LARS2: variants seen among roughly 807,000 people sequenced by gnomAD.
The protein encoded by LARS2 is leucine--tRNA ligase, mitochondrial.
Under a neutral mutation model 116.6 loss-of-function variants are expected in LARS2, and 81 were observed. That is an observed-to-expected ratio of 0.69 (90% CI 0.58 to 0.84). The LOEUF is 0.84. LARS2 is among the 40% of genes least tolerant of loss of function. The pLI is 0.00. For synonymous variants in LARS2, 396 were observed against 407.2 expected (o/e 0.97, Z 0.33); for missense variants, 968 against 1,114.5 (o/e 0.87, Z 1.87).
chr3:45,419,829 G>A, intron 6 of LARS2, 100 bp downstream of exon 6: 1 of 940,320 alleles, frequency 1.1e-6, no homozygotes, highest in Non-Finnish European at 1.8e-6. Flanking sequence ...GGCAAGGGTG[G>A]GAGGCAGGAA....
intron 12 of LARS2, among the ~76,000 whole-genome samples, 200 bp from the exon 13 acceptor site, chr3:45,491,317 A>G (rs1699910662): frequency 6.6e-6 from 1 of 152,256 alleles, no homozygotes. Context: ...GTTGTAAAAT[A>G]TAATTTTTAA....
At chr3:45,427,538 T>C (rs1005855126) in intron 6 of LARS2, among the ~76,000 whole-genome samples, 1 of 152,200 alleles carries the variant, frequency 6.6e-6, no homozygotes, top group Non-Finnish European at 1.5e-5. Flanking sequence ...AAAAACAACT[T>C]TTGGAAAAAC....
At chr3:45,435,250 A>G (rs1239058064) in intron 6 of LARS2, among the ~76,000 whole-genome samples, 1 of 152,118 alleles carries the variant, frequency 6.6e-6, no homozygotes, top group African/African-American at 2.4e-5. Context: ...AGTTGGGGGT[A>G]GGAGTCCAGA....
At chr3:45,419,590 C>G (rs1698483117) in intron 5 of LARS2, 79 bp from the exon 6 acceptor site, 4 of 1,025,468 alleles carry the variant, frequency 3.9e-6, no homozygotes, top group Non-Finnish European at 4.5e-6. Flanking sequence ...TTCAGTTTCC[C>G]TTTACATTCT....
intron 8 of LARS2, among the ~76,000 whole-genome samples, chr3:45,462,022 T>C (rs1015655442): frequency 1.1e-4 from 17 of 152,186 alleles, no homozygotes; most frequent in African/African-American, 4.1e-4. Flanking sequence ...ATAAAAATCG[T>C]CTTGAGTTAG....
chr3:45,422,004 C>T (rs937569996), intron 6 of LARS2: 6 of 152,180 alleles, frequency 3.9e-5, no homozygotes, highest in Non-Finnish European at 8.8e-5. Context: ...CATTGTACCA[C>T]TGTAAAGTCG....
chr3:45,427,769 T>C (rs1404308497), intron 6 of LARS2, among the ~76,000 whole-genome samples: 1 of 152,040 alleles, frequency 6.6e-6, no homozygotes, highest in African/African-American at 2.4e-5. Flanking sequence ...CTCCTCTCTA[T>C]AGGTAACCAC....
Position 45,518,004 on chromosome 3 carries a change from C to A in LARS2, c.2146C>A (p.Leu716Met). Reference sequence around the variant, plus strand: ...TTCTGGGAAGTCTCCCCAGCCTCAGCTGCTGAGTAACAAGGAGAAAGCTGA... The same window carrying A: ...TTCTGGGAAGTCTCCCCAGCCTCAGATGCTGAGTAACAAGGAGAAAGCTGA... ...RASGKSPQPQ[L>M]LSNKEKAEAR... Residue 716 changes from leucine (L) to methionine (M), a missense_variant, in exon 18 of 22, where the codon CTG (leucine) becomes ATG (methionine). By Grantham distance (15) the Leu-to-Met change is conservative (BLOSUM62 2). Coordinates refer to ENST00000645846, the MANE Select transcript of LARS2 (RefSeq NM_015340.4). The A allele has an allele frequency of 6.2e-7, 1 of 1,613,686 alleles. No individual in the cohort carries two copies. Among genetic ancestry groups the A allele is most frequent in the South Asian group, 1.1e-5 (1 of 91,074 alleles).
At chr3:45,488,673 T>C (rs780754719) in intron 11 of LARS2, 24 bp from the exon 12 acceptor site, 7 of 1,447,532 alleles carry the variant, frequency 4.8e-6, no homozygotes, top group Admixed American at 1.7e-5. Context: ...AAGGAAATGT[T>C]TTCTTTTCTT....
rs543069371 is a variant in LARS2 at position 45,401,612 on chromosome 3, C to T, written c.363+1239C>T. On this transcript the variant is annotated intron_variant, in intron 4 of 21. Coordinates refer to ENST00000645846, the MANE Select transcript of LARS2 (RefSeq NM_015340.4). ...ATGTGGGCCATTCCTCTTTACCCCC[C>T]GCCTGCTTTTTAAAAAAATTTTTTT... 2.6e-5 allele frequency among the ~76,000 whole-genome samples: 4 copies of T among 152,194 alleles called. 1 individual carries two copies. The highest frequency in any genetic ancestry group is 4.1e-4 in the South Asian group (2 of 4,820).
Position 45,457,314 on chromosome 3 carries a change from T to C in LARS2, c.607-1429T>C, listed in dbSNP as rs374172961. The stretch of plus-strand genomic sequence containing the variant: ...AGAGGTCAACTTCTTGGGCCACAGA[T>C]CAGGGCAGGAAGAGGGTCTGGAGGG... On this transcript the variant is annotated intron_variant, in intron 7 of 21. Transcript: ENST00000645846. Among the ~76,000 whole-genome samples the C allele has an allele frequency of 9.9e-5, 15 of 152,250 alleles. No individual in the cohort carries two copies. The East Asian group carries it at 2.1e-3, about 22-fold the overall frequency.
intron 20 of LARS2, among the ~76,000 whole-genome samples, chr3:45,525,309 G>A (rs1463185554): frequency 6.6e-6 from 1 of 152,114 alleles, no homozygotes; most frequent in African/African-American, 2.4e-5. Flanking sequence ...TATCCTTTTT[G>A]ATATCTAAAG....
intron 16 of LARS2, 44 bp downstream of exon 16, chr3:45,513,279 C>A: frequency 2.3e-6 from 3 of 1,305,912 alleles, no homozygotes; most frequent in Non-Finnish European, 2.2e-6. Flanking sequence ...TCCCAGAGAG[C>A]CAAGGCCAGG....
At chr3:45,462,631 G>C (rs576367874) in intron 8 of LARS2, among the ~76,000 whole-genome samples, 21 of 152,290 alleles carry the variant, frequency 1.4e-4, no homozygotes, top group African/African-American at 4.6e-4. Flanking sequence ...TGAGCTGGAG[G>C]GGGGAAGAGG....
chr3:45,430,678 G>A (rs1388787753), intron 6 of LARS2, among the ~76,000 whole-genome samples: 2 of 141,758 alleles, frequency 1.4e-5, no homozygotes, highest in Non-Finnish European at 1.5e-5. Context: ...TTCGCCTCCC[G>A]AGTTCACGTC....
intron 8 of LARS2, among the ~76,000 whole-genome samples, chr3:45,473,681 G>A (rs1699565014): frequency 6.7e-6 from 1 of 150,144 alleles, no homozygotes; most frequent in South Asian, 2.1e-4. Context: ...ACTGCACCTG[G>A]CCTGTTGTTG....
intron 4 of LARS2, among the ~76,000 whole-genome samples, chr3:45,416,320 A>G (rs1698421405): frequency 6.6e-6 from 1 of 151,158 alleles, no homozygotes; most frequent in Non-Finnish European, 1.5e-5. Context: ...TCAGGAGAGT[A>G]TTGCCTCAAT....
intron 8 of LARS2, among the ~76,000 whole-genome samples, chr3:45,462,223 C>T (rs1699337820): frequency 6.6e-6 from 1 of 152,112 alleles, no homozygotes; most frequent in Non-Finnish European, 1.5e-5. Flanking sequence ...TCTCTTGGCC[C>T]TTTCTTCCTG....
intron 6 of LARS2, among the ~76,000 whole-genome samples, chr3:45,443,143 G>A (rs942893106): frequency 1.3e-5 from 2 of 152,220 alleles, no homozygotes; most frequent in Non-Finnish European, 2.9e-5. Flanking sequence ...CTTTAGAGAA[G>A]GGAAGAAAGG....
Sources: allele counts gnomAD v4.1 joint callset (sites outside exome capture counted in the v4.1 genomes callset), GRCh38; gene constraint gnomAD v4.1.1; transcripts MANE v1.5; gene names NCBI Gene and HGNC (gene_info 2026-07-23, HGNC 2026-07-21).